Variants in CDHR4 observed in about 807,000 individuals in gnomAD.
CDHR4 encodes cadherin-related family member 4.
CDHR4 carries 89 observed loss-of-function variants against 88.4 expected under a neutral mutation model. The ratio of observed to expected loss-of-function variants is 1.01; its 90% CI spans 0.85 to 1.20. The LOEUF (loss-of-function observed/expected upper bound fraction) is 1.20, where lower values mean the gene tolerates loss of function less well. CDHR4 is among the 50% of genes most tolerant of loss of function. The pLI is 0.00. For missense variants in CDHR4, 914 were observed against 1,007.2 expected (o/e 0.91, Z 1.25); for synonymous variants, 368 against 399.2 (o/e 0.92, Z 0.93).
intron 18 of CDHR4, 107 bp from the exon 19 acceptor site, chr3:49,790,994 AGT>A: frequency 1.2e-6 from 1 of 847,964 alleles, no homozygotes; most frequent in Non-Finnish European, 1.8e-6. Context: ...CAGGACCCTC[AGT>A]GTGACATCCC....
chr3:49,792,489 A>C lies in CDHR4; in HGVS notation c.2117T>G (p.Leu706Arg), dbSNP rs1328397820. 1 of 1,551,708 alleles carries C rather than the reference A, an allele frequency of 6.4e-7. No individual in the cohort carries two copies. The highest frequency in any genetic ancestry group is 2.0e-5 in the Admixed American group (1 of 51,004). The change falls in exon 15 of 19, where the codon CTT (leucine) becomes CGT (arginine). Residue 706 changes from leucine to arginine, a missense_variant. Coordinates refer to ENST00000412678, the MANE Select transcript of CDHR4 (RefSeq NM_001007540.4). ...GALLLLALGW[L>R]LGRLLQGLAQ... Reference sequence around the variant, plus strand: ...CTACCCCTGGAGGAGCCTGCCAAGAAGCCAGCCTAGGGCCAAGAGGAGAAG... The same window carrying C: ...CTACCCCTGGAGGAGCCTGCCAAGACGCCAGCCTAGGGCCAAGAGGAGAAG...
chr3:49,792,487 G>A lies in CDHR4; in HGVS notation c.2119C>T (p.Leu707Phe). The change falls in exon 15 of 19, where the codon CTT becomes TTT. Residue 707 changes from leucine to phenylalanine, a missense_variant. Transcript: ENST00000412678. ...CCCTACCCCTGGAGGAGCCTGCCAA[G>A]AAGCCAGCCTAGGGCCAAGAGGAGA... ...ALLLLALGWL[L>F]GRLLQGLAQL... 6.4e-7 allele frequency: 1 copy of A among 1,551,694 alleles called. No individual in the cohort carries two copies. Among genetic ancestry groups the A allele is most frequent in the Non-Finnish European group, 8.7e-7 (1 of 1,146,990 alleles).
intron 17 of CDHR4, 77 bp from the exon 18 acceptor site, chr3:49,791,545 G>C: frequency 6.6e-7 from 1 of 1,518,752 alleles, no homozygotes; most frequent in Non-Finnish European, 8.9e-7. Context: ...CTGCCCCTAG[G>C]GGGCCAGAAG....
Position 49,795,050 on chromosome 3 carries a change from G to A in CDHR4, c.1082C>T (p.Thr361Ile). The A allele has an allele frequency of 1.3e-6, 2 of 1,551,736 alleles. No homozygotes were observed. The highest frequency in any genetic ancestry group is 1.7e-6 in the Non-Finnish European group (2 of 1,146,992). Residue 361 changes from threonine to isoleucine, a missense_variant, in exon 9 of 19, where the codon ACT becomes ATT. Transcript: ENST00000412678. This position sits in a 1 kb window ranked among gnomAD's most constrained non-coding sequence, Gnocchi z 5.4. ...ACCAACAGAGTCCGGATCTTCGCAA[G>A]TGAGAGTATTCAGCACGGTGCCCAC... Reference protein sequence around the residue: ...APVGTVLNTLTCEDPDSVGAT... With the variant: ...APVGTVLNTLICEDPDSVGAT...
intron 15 of CDHR4, among the ~76,000 whole-genome samples, 162 bp from the exon 16 acceptor site, chr3:49,792,121 A>G (rs996849975): frequency 7.2e-5 from 11 of 152,204 alleles, no homozygotes; most frequent in African/African-American, 1.4e-4. Context: ...CTATGTCCAC[A>G]AGGAACTTCA....
intron 9 of CDHR4, 79 bp from the exon 10 acceptor site, chr3:49,794,780 G>A: frequency 1.4e-6 from 2 of 1,433,774 alleles, no homozygotes; most frequent in African/African-American, 1.4e-5. Flanking sequence ...TGTAGGCCAG[G>A]GCATCCACAA....
At chr3:49,799,644 G>C in intron 1 of CDHR4, 120 bp downstream of exon 1, 1 of 1,159,240 alleles carries the variant, frequency 8.6e-7, no homozygotes, top group Non-Finnish European at 1.2e-6. Context: ...TGAGGGCCAG[G>C]GGTTCAGATT....
At position 49,791,330 on chromosome 3, in the gene CDHR4, G is replaced by C. The variant is rs1162804738; in HGVS notation, c.2311+111C>G. ...CCATTCAGGAAAAAAGCAGATAGAT[G>C]GTGGGTTCCTGGGAGTAGGAGGAGA... On this transcript the variant is annotated intron_variant, in intron 18 of 18. Transcript: ENST00000412678. 6.7e-6 allele frequency: 8 copies of C among 1,194,728 alleles called. No individual in the cohort carries two copies. The East Asian group carries it at 1.8e-4, about 27-fold the overall frequency. 74.0% of individuals were successfully genotyped at this position (1,194,728 alleles called of 1,614,324 possible).
chr3:49,790,774 T>TA lies in CDHR4; in HGVS notation c.*57dup. The TA allele has an allele frequency of 7.1e-7, 1 of 1,398,912 alleles. No individual in the cohort carries two copies. Among genetic ancestry groups the TA allele is most frequent in the Non-Finnish European group, 9.7e-7 (1 of 1,030,162 alleles). 86.7% of individuals were successfully genotyped at this position (1,398,912 alleles called of 1,614,324 possible). A position where few individuals can be genotyped will look rare whatever the true frequency, so the allele number is the denominator to read the frequency against. On this transcript the variant is annotated 3_prime_UTR_variant, in exon 19 of 19. Transcript: ENST00000412678. ...TGTTTATTATGAATCAACTTGAAAA[T>TA]ACAGCCCATGATGGTGTGAAAAAGA...
In CDHR4 at chr3:49,793,732, GA is replaced by G; in HGVS notation, c.1484-11del. The G allele has an allele frequency of 6.4e-7, 1 of 1,551,690 alleles. No homozygotes were observed. The highest frequency in any genetic ancestry group is 1.2e-5 in the South Asian group (1 of 84,062). Reference sequence around the variant, plus strand: ...AGGAGGTGAACTTCCCCTAGAGGGGGAGACCACAGCTTCAGCCTGCAGGGCC... The same window carrying G: ...AGGAGGTGAACTTCCCCTAGAGGGGGGACCACAGCTTCAGCCTGCAGGGCC... On this transcript the variant is annotated splice_polypyrimidine_tract_variant and intron_variant, in intron 11 of 18. Transcript: ENST00000412678.
In CDHR4 at chr3:49,793,951, A is replaced by T; in HGVS notation, c.1335T>A (p.Cys445Ter). The T allele has an allele frequency of 6.4e-7, 1 of 1,551,764 alleles. No individual in the cohort carries two copies. Residue 445 changes from cysteine to a stop codon, truncating the protein, a stop_gained, in exon 11 of 19, where the codon TGT (cysteine) becomes TGA (stop). Transcript: ENST00000412678. LOFTEE classifies it high-confidence loss of function. ...CCTGAACCCGGAACGTGCGAGGGGC[A>T]CAGGCTGGGGAGAACTCGTTGATGG... ...VTPINEFSPACAPRTFRVQED... is the reference protein window; with the variant it reads ...VTPINEFSPA
intron 5 of CDHR4, among the ~76,000 whole-genome samples, chr3:49,796,673 T>C (rs1476677584): frequency 6.6e-6 from 1 of 152,178 alleles, no homozygotes; most frequent in Non-Finnish European, 1.5e-5. Flanking sequence ...GTGATTGCCC[T>C]AAACACTTTT....
In CDHR4 at chr3:49,796,029, G is replaced by A; in HGVS notation, c.624C>T (p.Ile208=). The part of the protein sequence containing the change: ...GQAQKVFQLQ[I]SVSFGQRQSC... ...TTTGCCTTTGTCCAAAGGACACTGA[G>A]ATTTGCAGCTGGAAGACCTGTGGTG... Residue 208 remains isoleucine (I), a synonymous_variant, in exon 6 of 19, where the codon ATC becomes ATT. Transcript: ENST00000412678. 2 of 1,531,256 alleles carry A rather than the reference G, an allele frequency of 1.3e-6. No homozygotes were observed. The highest frequency in any genetic ancestry group is 8.8e-7 in the Non-Finnish European group (1 of 1,139,310). 94.9% of individuals were successfully genotyped at this position (1,531,256 alleles called of 1,614,324 possible). A position where few individuals can be genotyped will look rare whatever the true frequency, so the allele number is the denominator to read the frequency against.
rs1237182116 is a variant in CDHR4, at chr3:49,796,975, C to T, written c.553G>A (p.Glu185Lys). ...GATGGTGCCTGCAGCCAACCTTGCTCATTGATGGAGAAAGGTCCAGGGAAG... is the reference window on the plus strand; with the variant it reads ...GATGGTGCCTGCAGCCAACCTTGCTTATTGATGGAGAAAGGTCCAGGGAAG... Reference protein sequence around the residue: ...PHFPGPFSINEQGWLQAPSQG... With the variant: ...PHFPGPFSINKQGWLQAPSQG... Residue 185 changes from glutamate to lysine, a missense_variant, in exon 5 of 19, where the codon GAG (glutamate) becomes AAG (lysine). Coordinates refer to ENST00000412678, the MANE Select transcript of CDHR4 (RefSeq NM_001007540.4). 6.4e-7 allele frequency: 1 copy of T among 1,551,598 alleles called. No individual in the cohort carries two copies. The highest frequency in any genetic ancestry group is 8.7e-7 in the Non-Finnish European group (1 of 1,147,006).
rs1314279209 is a variant in CDHR4 at position 49,793,170 on chromosome 3, T to C, written c.1765A>G (p.Ile589Val). The stretch of plus-strand genomic sequence containing the variant: ...TGCCCATGTCCCCTACCTCCCACGA[T>C]GCTATAGGAGTAGATCAGGCGCTGT... Reference protein sequence around the residue: ...EPQRLIYSYSIVGGNSQNRFI... With the variant: ...EPQRLIYSYSVVGGNSQNRFI... The change falls in exon 13 of 19, where the codon ATC becomes GTC. Residue 589 changes from isoleucine (I) to valine (V), a missense_variant. Transcript: ENST00000412678. The C allele has an allele frequency of 6.4e-7, 1 of 1,551,638 alleles. No homozygotes were observed. Among genetic ancestry groups the C allele is most frequent in the South Asian group, 1.2e-5 (1 of 84,062 alleles).
chr3:49,792,507 A>G lies in CDHR4; in HGVS notation c.2099T>C (p.Leu700Pro). The G allele has an allele frequency of 1.3e-6, 2 of 1,551,702 alleles. No homozygotes were observed. The highest frequency in any genetic ancestry group is 1.7e-6 in the Non-Finnish European group (2 of 1,146,984). ...GCCAAGAAGCCAGCCTAGGGCCAAG[A>G]GGAGAAGAGCACCAGTTGCTGTCAA... ...VVLTATGALL[L>P]LALGWLLGRL... Residue 700 changes from leucine (L) to proline (P), a missense_variant, in exon 15 of 19, where the codon CTC (leucine) becomes CCC (proline). Coordinates refer to ENST00000412678, the MANE Select transcript of CDHR4 (RefSeq NM_001007540.4).
At position 49,795,561 on chromosome 3, in the gene CDHR4, A is replaced by G; in HGVS notation, c.847+67T>C. ...CCAAACAGGAAGGTGAAGAGGTACT[A>G]TGGGTCACCTCTGGACCAGCCACAG... On this transcript the variant is annotated intron_variant, in intron 7 of 18. Transcript: ENST00000412678. The surrounding 1 kb of genome is among the most constrained non-coding windows in gnomAD (Gnocchi z 5.4). 1 of 1,538,350 alleles carries G rather than the reference A, an allele frequency of 6.5e-7. No individual in the cohort carries two copies. Among genetic ancestry groups the G allele is most frequent in the Admixed American group, 2.0e-5 (1 of 50,418 alleles).
chr3:49,798,395 GC>G (rs1293158025), intron 4 of CDHR4: 1 of 177,492 alleles, frequency 5.6e-6, no homozygotes, highest in African/African-American at 2.4e-5. Flanking sequence ...GACCATCCTG[GC>G]TAACACGGTG....
In CDHR4 at chr3:49,798,850, T is replaced by C. The variant is rs544986294; in HGVS notation, c.471A>G (p.Pro157=). The C allele has an allele frequency of 1.2e-6, 2 of 1,613,890 alleles. No individual in the cohort carries two copies. Among genetic ancestry groups the C allele is most frequent in the Admixed American group, 1.7e-5 (1 of 60,018 alleles). ...PGARLYTLLL[P]GLELHGAQMS... is the part of the protein sequence containing the mutation. ...CCTGCGCTCCGTGGAGTTCTAGGCC[T>C]GGGAGGAGCAGAGTGTACAGCCGAG... is the stretch of plus-strand genomic sequence containing the variant. Residue 157 remains proline, a synonymous_variant, in exon 4 of 19, where the codon CCA becomes CCG. Transcript: ENST00000412678.
Sources: allele counts gnomAD v4.1 joint callset (sites outside exome capture counted in the v4.1 genomes callset), GRCh38; gene constraint gnomAD v4.1.1; non-coding constraint Gnocchi (gnomAD v3.1); transcripts MANE v1.5; gene names NCBI Gene and HGNC (gene_info 2026-07-23, HGNC 2026-07-21).